The following SOX5 variants were observed in gnomAD, a reference collection of about 807,000 sequenced individuals.
SOX5 encodes the protein transcription factor SOX-5.
Under a neutral mutation model 92.0 loss-of-function variants are expected in SOX5, and 9 were observed. The ratio of observed to expected loss-of-function variants is 0.10; its 90% CI spans 0.06 to 0.17. The LOEUF (loss-of-function observed/expected upper bound fraction) is 0.17. Among genes scored for constraint, SOX5 ranks in the 10% least tolerant of loss-of-function variants. The pLI, the probability that SOX5 is intolerant of heterozygous loss-of-function variation, is 1.00. For missense variants in SOX5, 642 were observed against 944.5 expected, an observed-to-expected ratio of 0.68 and a Z score of 4.20; for synonymous variants, 344 against 336.3, an observed-to-expected ratio of 1.02 and a Z score of -0.25.
chr12:24,273,530 G>A (rs1944038350), intron 3 of SOX5, among the ~76,000 whole-genome samples: 1 of 152,102 alleles, frequency 6.6e-6, no homozygotes, highest in African/African-American at 2.4e-5. Context: ...CTGTTGTGGT[G>A]CTTCCTTTTT....
chr12:24,213,949 AAT>A (rs199825176), intron 3 of SOX5, among the ~76,000 whole-genome samples: 8 of 150,526 alleles, frequency 5.3e-5, no homozygotes, highest in African/African-American at 4.9e-5. Context: ...GATAGTTTAA[AAT>A]ATATATATAT....
chr12:24,119,893 T>C (rs1285119807), intron 4 of SOX5, among the ~76,000 whole-genome samples: 1 of 152,172 alleles, frequency 6.6e-6, no homozygotes, highest in Non-Finnish European at 1.5e-5. Flanking sequence ...CTTTGCCAAT[T>C]ATTGTACTTT....
At chr12:24,044,242 T>C (rs1956795113) in intron 4 of SOX5, among the ~76,000 whole-genome samples, 1 of 152,118 alleles carries the variant, frequency 6.6e-6, no homozygotes, top group African/African-American at 2.4e-5. Context: ...AACACAAAGA[T>C]GAAGGACATA....
chr12:23,555,876 GAC>G (rs1945075543), intron 11 of SOX5, among the ~76,000 whole-genome samples: 1 of 152,068 alleles, frequency 6.6e-6, no homozygotes, highest in Non-Finnish European at 1.5e-5. Flanking sequence ...GAAATGAAAA[GAC>G]ACAGAAGAAA....
At chr12:23,776,068 T>G (rs970857340) in intron 3 of SOX5, among the ~76,000 whole-genome samples, 4 of 152,184 alleles carry the variant, frequency 2.6e-5, no homozygotes, top group African/African-American at 9.7e-5. Flanking sequence ...TTTCACTGAA[T>G]TAAGTAATGC....
intron 6 of SOX5, among the ~76,000 whole-genome samples, chr12:23,668,768 C>A (rs556399705): frequency 1.3e-5 from 2 of 152,058 alleles, no homozygotes; most frequent in African/African-American, 4.8e-5. Flanking sequence ...ACATAAGAGG[C>A]TACTTCCTAT....
intron 1 of SOX5, among the ~76,000 whole-genome samples, chr12:24,540,458 T>A (rs1181118498): frequency 6.6e-6 from 1 of 152,142 alleles, no homozygotes; most frequent in Non-Finnish European, 1.5e-5. Flanking sequence ...GTTTTCTAAG[T>A]CTGTGCACAC....
chr12:23,534,833 C>T (rs965910266), intron 14 of SOX5, among the ~76,000 whole-genome samples: 28 of 151,926 alleles, frequency 1.8e-4, no homozygotes, highest in African/African-American at 6.8e-4. Flanking sequence ...CCTCAGCCCC[C>T]CAAGTAGCTG....
At chr12:24,383,254 A>T (rs1450608627) in intron 1 of SOX5, among the ~76,000 whole-genome samples, 1 of 152,170 alleles carries the variant, frequency 6.6e-6, no homozygotes, top group Non-Finnish European at 1.5e-5. Context: ...AGCAGAATTG[A>T]CAGTGTCTTT....
chr12:24,208,207 C>T (rs746937290), intron 4 of SOX5, among the ~76,000 whole-genome samples: 74 of 152,122 alleles, frequency 4.9e-4, no homozygotes, highest in Non-Finnish European at 2.1e-4. Flanking sequence ...TATCTTCCTT[C>T]TTATAGCCAT....
chr12:23,635,536 G>A (rs1193130797), intron 8 of SOX5, among the ~76,000 whole-genome samples: 1 of 152,008 alleles, frequency 6.6e-6, no homozygotes, highest in Non-Finnish European at 1.5e-5. Flanking sequence ...GGTGGGAGGA[G>A]GGGGGAGGGA....
At chr12:24,287,109 G>T (rs1945967255) in intron 2 of SOX5, among the ~76,000 whole-genome samples, 1 of 152,136 alleles carries the variant, frequency 6.6e-6, no homozygotes, top group Non-Finnish European at 1.5e-5. Flanking sequence ...TTCACTTCAG[G>T]CAGGAATGGT....
chr12:23,986,784 G>C (rs1386140769), intron 4 of SOX5, among the ~76,000 whole-genome samples: 1 of 152,076 alleles, frequency 6.6e-6, no homozygotes, highest in African/African-American at 2.4e-5. Flanking sequence ...AAATAAGTTA[G>C]GGAATCATAA....
intron 7 of SOX5, among the ~76,000 whole-genome samples, chr12:23,657,417 T>C (rs180816692): frequency 2.0e-5 from 3 of 152,270 alleles, no homozygotes; most frequent in Admixed American, 6.5e-5. Flanking sequence ...ACGGAAAATA[T>C]ATATCTATTG....
In SOX5 at chr12:24,459,499, C is replaced by T. The variant is rs117217249; in HGVS notation, c.-250-90860G>A. 3.8e-3 allele frequency among the ~76,000 whole-genome samples: 582 copies of T among 152,228 alleles called. 4 individuals are homozygous for T. The highest frequency in any genetic ancestry group is 6.0e-3 in the Non-Finnish European group (408 of 68,014). ...TCCAGTTAAATATAAGTACGATAAT[C>T]CTAAGAAGTTATCACATTTATTTTC... On this transcript the variant is annotated intron_variant, in intron 1 of 4. Transcript: ENST00000446891.
chr12:24,076,128 C>T (rs1043124735), intron 4 of SOX5, among the ~76,000 whole-genome samples: 4 of 152,124 alleles, frequency 2.6e-5, no homozygotes, highest in African/African-American at 9.7e-5. Flanking sequence ...ACAGCCCTCT[C>T]CAACATGTGT....
chr12:24,133,280 A>T (rs904141893), intron 4 of SOX5, among the ~76,000 whole-genome samples: 5 of 152,202 alleles, frequency 3.3e-5, no homozygotes, highest in African/African-American at 1.2e-4. Context: ...GTCATGAAGG[A>T]AAGTCTGGAA....
intron 4 of SOX5, among the ~76,000 whole-genome samples, chr12:23,960,537 A>G (rs1946806523): frequency 6.9e-6 from 1 of 145,744 alleles, no homozygotes; most frequent in East Asian, 2.0e-4. Flanking sequence ...ATACATATAT[A>G]TATATATATG....
At chr12:23,805,190 G>A (rs1467373646) in intron 3 of SOX5, among the ~76,000 whole-genome samples, 1 of 151,526 alleles carries the variant, frequency 6.6e-6, no homozygotes, top group Non-Finnish European at 1.5e-5. Context: ...TAGTGTAATA[G>A]TTTAAAAGCT....
Sources: allele counts gnomAD v4.1 joint callset (sites outside exome capture counted in the v4.1 genomes callset), GRCh38; gene constraint gnomAD v4.1.1; transcripts MANE v1.5; gene names NCBI Gene and HGNC (gene_info 2026-07-23, HGNC 2026-07-21).